Variants in MDGA2 observed in about 807,000 individuals in gnomAD.
The protein encoded by MDGA2 is MAM domain containing glycosylphosphatidylinositol anchor 2, also known as MAM domain-containing glycosylphosphatidylinositol anchor protein 2.
Under a neutral mutation model 117.8 loss-of-function variants are expected in MDGA2, and 40 were observed. The ratio of observed to expected loss-of-function variants is 0.34; its 90% confidence interval spans 0.26 to 0.44. MDGA2 has a LOEUF of 0.44. Among genes scored for constraint, MDGA2 ranks in the 20% least tolerant of loss-of-function variants. The pLI is 1.00. For missense variants in MDGA2, 1,123 were observed against 1,250.6 expected (o/e 0.90, Z 1.54); for synonymous variants, 452 against 439.0 (o/e 1.03, Z -0.37).
intron 7 of MDGA2, among the ~76,000 whole-genome samples, chr14:47,042,884 T>C (rs908843024): frequency 1.3e-5 from 2 of 152,082 alleles, no homozygotes; most frequent in Non-Finnish European, 2.9e-5. Context: ...ATTTGAAATA[T>C]TATAATTATC....
rs1269227801 is a variant in MDGA2, at chr14:47,247,522, C to G, written c.421-29327G>C. 3.3e-5 allele frequency among the ~76,000 whole-genome samples: 5 copies of G among 151,278 alleles called. 1 individual carries two copies. The highest frequency in any genetic ancestry group is 2.0e-4 in the Admixed American group (3 of 15,180). ...TTCACCATGTTGGTCAGGCTGGTCTCGAACTCCTGACCTCAAATGATCTGC... is the reference window on the plus strand; with the variant it reads ...TTCACCATGTTGGTCAGGCTGGTCTGGAACTCCTGACCTCAAATGATCTGC... On this transcript the variant is annotated intron_variant, in intron 2 of 16. Transcript: ENST00000399232.
At chr14:47,254,068 A>G (rs1887536915) in intron 2 of MDGA2, among the ~76,000 whole-genome samples, 1 of 152,172 alleles carries the variant, frequency 6.6e-6, no homozygotes, top group Admixed American at 6.5e-5. Context: ...GAGGCTGCAT[A>G]GAGCAGGGGG....
intron 10 of MDGA2, among the ~76,000 whole-genome samples, chr14:46,907,409 T>C (rs1883541380): frequency 6.6e-6 from 1 of 152,200 alleles, no homozygotes; most frequent in Admixed American, 6.5e-5. Context: ...ATGCCAATTC[T>C]CTCCTGTTGA....
chr14:47,158,356 T>TGG lies in MDGA2; in HGVS notation c.596-14084_596-14083dup, dbSNP rs1216655189. Among the ~76,000 whole-genome samples, 11 of 105,664 alleles carry TGG rather than the reference T, an allele frequency of 1.0e-4. No homozygotes were observed. In the East Asian group the frequency reaches 2.7e-3, roughly 26 times the overall value. The allele number at this position is 105,664 out of a possible 152,430, so 69.3% of individuals were successfully genotyped here. The stretch of plus-strand genomic sequence containing the variant: ...GGGCACATTTCTCAGAACATATCCC[T>TGG]GGGGTGGGTGTGTGTGTGTGTGTGT... On this transcript the variant is annotated intron_variant, in intron 3 of 16. Transcript: ENST00000399232.
chr14:46,920,242 T>C, intron 9 of MDGA2, 82 bp from the exon 10 acceptor site: 1 of 1,301,120 alleles, frequency 7.7e-7, no homozygotes, highest in Non-Finnish European at 1.0e-6. Flanking sequence ...CCTTTTACCA[T>C]TTCTACTATA....
At chr14:47,430,927 A>ATAG (rs1277882689) in intron 1 of MDGA2, among the ~76,000 whole-genome samples, 1 of 152,082 alleles carries the variant, frequency 6.6e-6, no homozygotes, top group Non-Finnish European at 1.5e-5. Context: ...TATTTTGAAG[A>ATAG]TTGACTGAGT....
intron 2 of MDGA2, among the ~76,000 whole-genome samples, chr14:47,232,316 C>G (rs1463260579): frequency 6.6e-6 from 1 of 151,382 alleles, no homozygotes; most frequent in Admixed American, 6.6e-5. Flanking sequence ...TTTCTTGGAC[C>G]TTGGTAGGGA....
chr14:47,136,198 T>TC (rs1491299131), intron 4 of MDGA2, among the ~76,000 whole-genome samples: 16 of 102,596 alleles, frequency 1.6e-4, no homozygotes, highest in Non-Finnish European at 2.3e-4. Context: ...GTTTTCTCTC[T>TC]TTTTTTTTTT....
At chr14:47,604,313 G>A (rs1389540922) in intron 1 of MDGA2, among the ~76,000 whole-genome samples, 1 of 151,502 alleles carries the variant, frequency 6.6e-6, no homozygotes, top group African/African-American at 2.4e-5. Flanking sequence ...TTTTTCTTTA[G>A]TTTTTATTTT....
chr14:47,405,128 TTATGTAAAAATGATTAATAACAA>T (rs1156866113), intron 1 of MDGA2, among the ~76,000 whole-genome samples: 1 of 152,226 alleles, frequency 6.6e-6, no homozygotes, highest in African/African-American at 2.4e-5. Context: ...TGCATTATGC[TTATGTAAAAATGATTAATAACAA>T]GAATGGCTCT....
At chr14:46,999,503 T>C (rs374640356) in intron 8 of MDGA2, among the ~76,000 whole-genome samples, 1 of 152,080 alleles carries the variant, frequency 6.6e-6, no homozygotes, top group East Asian at 1.9e-4. Context: ...TGCACTGTAA[T>C]TGAAGAGTAG....
chr14:47,370,369 A>G (rs1459647363), intron 1 of MDGA2, among the ~76,000 whole-genome samples: 1 of 150,408 alleles, frequency 6.6e-6, no homozygotes, highest in Non-Finnish European at 1.5e-5. Flanking sequence ...ATGGAGGGAG[A>G]GATTTAACAT....
intron 1 of MDGA2, among the ~76,000 whole-genome samples, chr14:47,313,999 A>C (rs1006844269): frequency 2.0e-5 from 3 of 152,188 alleles, no homozygotes; most frequent in African/African-American, 4.8e-5. Flanking sequence ...TGTAACTCCA[A>C]ATATTACATT....
chr14:47,348,088 C>T (rs191623712), intron 1 of MDGA2, among the ~76,000 whole-genome samples: 6 of 151,632 alleles, frequency 4.0e-5, no homozygotes, highest in Admixed American at 4.0e-4. Flanking sequence ...AGTTTAGCTG[C>T]AGTAGCTGGA....
chr14:47,573,039 T>G (rs1337970510), intron 1 of MDGA2, among the ~76,000 whole-genome samples: 1 of 151,870 alleles, frequency 6.6e-6, no homozygotes, highest in Non-Finnish European at 1.5e-5. Context: ...CAGTCTTCTG[T>G]TTTTTTTAGC....
chr14:47,643,535 T>C (rs1187707379), intron 1 of MDGA2, among the ~76,000 whole-genome samples: 1 of 152,102 alleles, frequency 6.6e-6, no homozygotes, highest in Non-Finnish European at 1.5e-5. Flanking sequence ...GAGAATAGCA[T>C]CCTAGTTCCT....
chr14:47,435,903 C>A (rs1308880955), intron 1 of MDGA2, among the ~76,000 whole-genome samples: 1 of 152,124 alleles, frequency 6.6e-6, no homozygotes, highest in African/African-American at 2.4e-5. Flanking sequence ...TTGCATCATT[C>A]AATTTCTTTC....
At chr14:47,346,172 AT>A (rs1312241262) in intron 1 of MDGA2, among the ~76,000 whole-genome samples, 1 of 152,134 alleles carries the variant, frequency 6.6e-6, no homozygotes, top group African/African-American at 2.4e-5. Flanking sequence ...TATTATATGT[AT>A]TGAAACCACT....
chr14:47,165,177 C>T (rs1399879225), intron 3 of MDGA2, among the ~76,000 whole-genome samples: 4 of 151,972 alleles, frequency 2.6e-5, no homozygotes, highest in Admixed American at 2.0e-4. Flanking sequence ...GTGCAGCACA[C>T]CAACATGGAA....
Sources: gnomAD v4.1 joint callset for allele counts (sites outside exome capture counted in the v4.1 genomes callset) on GRCh38, gnomAD v4.1.1 for gene constraint, MANE v1.5 for transcripts, NCBI Gene and HGNC (gene_info 2026-07-23, HGNC 2026-07-21) for gene names.